PRKDC: variants seen among roughly 807,000 people sequenced by gnomAD.
PRKDC encodes protein kinase, DNA-activated, catalytic subunit.
PRKDC carries 82 observed loss-of-function variants against 486.9 expected under a neutral mutation model. The observed-to-expected ratio is 0.17, with a 90% CI of 0.14 to 0.20. The LOEUF is 0.20. Among genes scored for constraint, PRKDC ranks in the 10% least tolerant of loss-of-function variants. The probability of loss-of-function intolerance (pLI) is 1.00; values close to 1 mark genes in which losing one functional copy is unlikely to be tolerated. For missense variants in PRKDC, 4,504 were observed against 5,038.2 expected (o/e 0.89, Z 3.21); for synonymous variants, 1,895 against 1,837.0 (o/e 1.03, Z -0.81).
chr8:47,832,968 C>T (rs2087922825), intron 59 of PRKDC, among the ~76,000 whole-genome samples: 1 of 152,234 alleles, frequency 6.6e-6, no homozygotes, highest in African/African-American at 2.4e-5. Context: ...GCGCCCGCAG[C>T]CCTGCAAAGC....
chr8:47,835,421 C>T (rs959482832), intron 58 of PRKDC, among the ~76,000 whole-genome samples: 2 of 151,532 alleles, frequency 1.3e-5, no homozygotes, highest in South Asian at 2.1e-4. Flanking sequence ...ATATCTAGAC[C>T]ATCTGGCCAA....
intron 74 of PRKDC, among the ~76,000 whole-genome samples, chr8:47,792,501 G>GC (rs1439449178): frequency 2.0e-5 from 3 of 151,902 alleles, no homozygotes; most frequent in African/African-American, 7.3e-5. Context: ...CTCCTGATCC[G>GC]CCCACTTCAG....
At chr8:47,936,951 C>T (rs1362935304) in intron 11 of PRKDC, among the ~76,000 whole-genome samples, 1 of 149,818 alleles carries the variant, frequency 6.7e-6, no homozygotes, top group East Asian at 2.1e-4. Context: ...AGAAGAAATA[C>T]AGATATAAAA....
chr8:47,825,071 G>A (rs1322221654), intron 63 of PRKDC, among the ~76,000 whole-genome samples: 1 of 152,178 alleles, frequency 6.6e-6, no homozygotes, highest in Non-Finnish European at 1.5e-5. Flanking sequence ...AAAGGTGGGT[G>A]GGTAGGTAGG....
chr8:47,882,186 G>T, intron 36 of PRKDC, 89 bp from the exon 37 acceptor site: 1 of 1,232,006 alleles, frequency 8.1e-7, no homozygotes, highest in Non-Finnish European at 1.1e-6. Context: ...AGCTATTCTT[G>T]GAAAATAAAT....
chr8:47,839,047 A>G (rs2088086746), intron 56 of PRKDC, 101 bp downstream of exon 56: 1 of 855,160 alleles, frequency 1.2e-6, no homozygotes, highest in Non-Finnish European at 1.9e-6. Context: ...GAAAATGCTA[A>G]TACTGCAAAT....
chr8:47,789,290 AAT>A (rs2086845637), intron 74 of PRKDC, 52 bp from the exon 75 acceptor site: 1 of 995,728 alleles, frequency 1.0e-6, no homozygotes, highest in Non-Finnish European at 1.4e-6. Flanking sequence ...TCCAAAAATC[AAT>A]ATATATTTTA....
chr8:47,889,565 T>C (rs961147511), intron 32 of PRKDC, among the ~76,000 whole-genome samples: 2 of 152,250 alleles, frequency 1.3e-5, no homozygotes, highest in East Asian at 3.8e-4. Flanking sequence ...TCCCAGGGCC[T>C]GGCGTGCCAC....
At chr8:47,802,809 T>C (rs1267818594) in intron 70 of PRKDC, among the ~76,000 whole-genome samples, 1 of 152,078 alleles carries the variant, frequency 6.6e-6, no homozygotes, top group Non-Finnish European at 1.5e-5. Flanking sequence ...CCCACCACCA[T>C]GCCTGGTTAA....
intron 63 of PRKDC, among the ~76,000 whole-genome samples, chr8:47,825,087 GAGCAGC>G (rs1364143402): frequency 6.6e-6 from 1 of 152,178 alleles, no homozygotes; most frequent in Non-Finnish European, 1.5e-5. Context: ...GTAGGTGATG[GAGCAGC>G]AGCTCATGGC....
intron 78 of PRKDC, 144 bp downstream of exon 78, chr8:47,783,598 A>AG (rs1449820144): frequency 2.4e-6 from 2 of 827,854 alleles, no homozygotes; most frequent in East Asian, 5.5e-5. Context: ...TCAAAAAAAA[A>AG]AAGAGGAATT....
chr8:47,797,006 T>C (rs767152715), intron 73 of PRKDC, among the ~76,000 whole-genome samples: 24 of 152,218 alleles, frequency 1.6e-4, no homozygotes, highest in Admixed American at 3.9e-4. Context: ...TAAAAAAATG[T>C]GTTCACATTT....
At chr8:47,792,216 T>A (rs2086893344) in intron 74 of PRKDC, among the ~76,000 whole-genome samples, 1 of 151,176 alleles carries the variant, frequency 6.6e-6, no homozygotes, top group Non-Finnish European at 1.5e-5. Flanking sequence ...AAAAACAGGA[T>A]CTAGTATTTA....
intron 7 of PRKDC, among the ~76,000 whole-genome samples, chr8:47,948,312 G>A (rs922276503): frequency 1.1e-4 from 16 of 151,280 alleles, no homozygotes; most frequent in African/African-American, 3.6e-4. Flanking sequence ...ATTTCACCAC[G>A]TTGGCCAGGA....
intron 36 of PRKDC, among the ~76,000 whole-genome samples, chr8:47,882,586 GCA>G (rs1388717959): frequency 6.6e-6 from 1 of 151,936 alleles, no homozygotes; most frequent in African/African-American, 2.4e-5. Flanking sequence ...GCACACACTA[GCA>G]CACACAGGTG....
At chr8:47,854,448 C>T (rs1433403878) in intron 50 of PRKDC, among the ~76,000 whole-genome samples, 1 of 152,124 alleles carries the variant, frequency 6.6e-6, no homozygotes, top group Non-Finnish European at 1.5e-5. Context: ...ACGCCATTCT[C>T]CTGCCTCAGC....
At chr8:47,858,476 A>G in intron 48 of PRKDC, 40 bp downstream of exon 48, 1 of 1,407,590 alleles carries the variant, frequency 7.1e-7, no homozygotes, top group Non-Finnish European at 9.5e-7. Flanking sequence ...ACAGACTTAC[A>G]GAATCTATTC....
chr8:47,805,110 G>A (rs1203267715), intron 69 of PRKDC: 3 of 151,996 alleles, frequency 2.0e-5, no homozygotes, highest in Non-Finnish European at 4.4e-5. Context: ...ATCAGAAGTG[G>A]AGAATCAACA....
At chr8:47,882,401 T>C (rs116081418) in intron 36 of PRKDC, among the ~76,000 whole-genome samples, 3 of 152,290 alleles carry the variant, frequency 2.0e-5, no homozygotes, top group East Asian at 1.9e-4. Context: ...CCACTGTACA[T>C]GCATGCACAA....
Sources: gnomAD v4.1 joint callset for allele counts (sites outside exome capture counted in the v4.1 genomes callset) on GRCh38, gnomAD v4.1.1 for gene constraint, MANE v1.5 for transcripts, NCBI Gene and HGNC (gene_info 2026-07-23, HGNC 2026-07-21) for gene names.